SRGAP1: variants seen among roughly 807,000 people sequenced by gnomAD.
SRGAP1 encodes SLIT-ROBO Rho GTPase-activating protein 1.
A neutral mutation model predicts 121.9 loss-of-function variants in SRGAP1; 43 were observed. That is an observed-to-expected ratio of 0.35 (90% CI 0.28 to 0.46). The LOEUF is 0.46. SRGAP1 is among the 20% of genes least tolerant of loss of function. SRGAP1 has a pLI of 1.00. For synonymous variants in SRGAP1, 447 were observed against 485.4 expected (o/e 0.92, Z 1.04); for missense variants, 1,102 against 1,350.9 (o/e 0.82, Z 2.89).
chr12:63,881,078 T>G (rs1421206172), intron 1 of SRGAP1, among the ~76,000 whole-genome samples: 3 of 152,164 alleles, frequency 2.0e-5, no homozygotes, highest in Non-Finnish European at 4.4e-5. Context: ...GCACAGTATA[T>G]TTTGCGAAGT....
rs148989425 is a variant in SRGAP1 at position 64,121,316 on chromosome 12, G to A, written c.2225-4661G>A. ...GCCACCCACGCCCCGCCTTCCTTGT[G>A]TCTTTAAAAGTAAAATCAGTTGACA... On this transcript the variant is annotated intron_variant, in intron 18 of 21. Coordinates refer to ENST00000355086, the MANE Select transcript of SRGAP1 (RefSeq NM_020762.4). 4.6e-5 allele frequency among the ~76,000 whole-genome samples: 7 copies of A among 152,238 alleles called. No homozygotes were observed. The East Asian group carries it at 1.4e-3, about 29-fold the overall frequency.
At chr12:64,129,457 C>T (rs1712781392) in intron 21 of SRGAP1, among the ~76,000 whole-genome samples, 1 of 152,190 alleles carries the variant, frequency 6.6e-6, no homozygotes, top group African/African-American at 2.4e-5. Context: ...CCCCAGCCCA[C>T]TGACTCAAAT....
At chr12:64,042,024 G>A (rs1022557013) in intron 4 of SRGAP1, among the ~76,000 whole-genome samples, 1 of 151,496 alleles carries the variant, frequency 6.6e-6, no homozygotes, top group African/African-American at 2.4e-5. Flanking sequence ...TCAGCCTCCC[G>A]AGTAGCTGGA....
intron 1 of SRGAP1, among the ~76,000 whole-genome samples, chr12:63,902,505 T>G (rs1288038319): frequency 6.6e-6 from 1 of 152,178 alleles, no homozygotes; most frequent in Non-Finnish European, 1.5e-5. Context: ...CTAACCACAG[T>G]TACCCATAAT....
chr12:64,002,025 G>A (rs928747870), intron 3 of SRGAP1, among the ~76,000 whole-genome samples: 5 of 152,134 alleles, frequency 3.3e-5, no homozygotes, highest in African/African-American at 9.7e-5. Flanking sequence ...TTAAAATTCC[G>A]TCAAATTGGC....
intron 4 of SRGAP1, among the ~76,000 whole-genome samples, chr12:64,037,570 C>T (rs1407251803): frequency 1.3e-5 from 2 of 152,220 alleles, no homozygotes; most frequent in African/African-American, 4.8e-5. Flanking sequence ...CTCTTTGGCC[C>T]ATGCCAACTT....
chr12:63,920,733 A>G (rs190832017), intron 1 of SRGAP1, among the ~76,000 whole-genome samples: 1 of 152,250 alleles, frequency 6.6e-6, no homozygotes, highest in Admixed American at 6.5e-5. Context: ...GTTTGAAGGT[A>G]GGCTGGTGAG....
chr12:63,973,759 CT>C (rs1433885479), intron 1 of SRGAP1, among the ~76,000 whole-genome samples: 1 of 151,736 alleles, frequency 6.6e-6, no homozygotes, highest in Non-Finnish European at 1.5e-5. Flanking sequence ...CATTTTTTTT[CT>C]TTTTTCCTTT....
chr12:63,911,298 CAA>C (rs10715790), intron 1 of SRGAP1, among the ~76,000 whole-genome samples: 6,145 of 90,194 alleles, frequency 0.068, 164 homozygotes, highest in Middle Eastern at 0.18. Context: ...GACTCTGTCT[CAA>C]AAAAAAAAAA....
At chr12:63,948,627 C>T (rs1256075913) in intron 1 of SRGAP1, among the ~76,000 whole-genome samples, 1 of 151,868 alleles carries the variant, frequency 6.6e-6, no homozygotes, top group East Asian at 1.9e-4. Context: ...CCCAAGGATA[C>T]TAGCCATGTT....
chr12:63,911,064 C>T (rs2030470075), intron 1 of SRGAP1, among the ~76,000 whole-genome samples: 1 of 152,076 alleles, frequency 6.6e-6, no homozygotes, highest in African/African-American at 2.4e-5. Context: ...CTTTGGGAGG[C>T]CGAGGCTGGT....
chr12:63,985,015 C>CA (rs34037288), intron 2 of SRGAP1, among the ~76,000 whole-genome samples: 1,303 of 108,738 alleles, frequency 0.012, 15 homozygotes, highest in Admixed American at 0.024. Context: ...GAGTCCATCT[C>CA]AAAAAAAAAA....
intron 1 of SRGAP1, among the ~76,000 whole-genome samples, chr12:63,896,305 T>G (rs1240662239): frequency 6.6e-6 from 1 of 152,204 alleles, no homozygotes; most frequent in Non-Finnish European, 1.5e-5. Flanking sequence ...GTTAGGAGTA[T>G]AAAGTCCAGA....
intron 18 of SRGAP1, among the ~76,000 whole-genome samples, chr12:64,123,977 A>G (rs1008324779): frequency 3.3e-5 from 5 of 152,108 alleles, no homozygotes; most frequent in African/African-American, 1.2e-4. Context: ...TTGGGAGGCC[A>G]TGGCTGGAGG....
Position 64,050,884 on chromosome 12 carries a change from G to C in SRGAP1, c.801+7309G>C, listed in dbSNP as rs1166469975. On this transcript the variant is annotated intron_variant, in intron 6 of 21. Coordinates refer to ENST00000355086, the MANE Select transcript of SRGAP1 (RefSeq NM_020762.4). ...TTACAGGTACGGACCACCATGCCCG[G>C]CTAATTGTTTTGTATTTTTAGTAGA... Among the ~76,000 whole-genome samples the C allele has an allele frequency of 4.6e-5, 7 of 152,160 alleles. No individual in the cohort carries two copies. In the East Asian group the frequency reaches 1.4e-3, roughly 29 times the overall value.
At chr12:64,103,626 TTC>T (rs1240689779) in intron 15 of SRGAP1, among the ~76,000 whole-genome samples, 2 of 152,204 alleles carry the variant, frequency 1.3e-5, no homozygotes, top group African/African-American at 4.8e-5. Context: ...AATTCTAAAT[TTC>T]TGTTTGATGC....
intron 1 of SRGAP1, among the ~76,000 whole-genome samples, chr12:63,898,382 G>A (rs934350766): frequency 2.6e-5 from 4 of 152,204 alleles, no homozygotes; most frequent in African/African-American, 9.6e-5. Context: ...ATTCTGAACA[G>A]TCATATTGTT....
At chr12:63,919,837 C>T (rs191654281) in intron 1 of SRGAP1, among the ~76,000 whole-genome samples, 1 of 152,200 alleles carries the variant, frequency 6.6e-6, no homozygotes, top group Admixed American at 6.5e-5. Context: ...AGCTGTAGTT[C>T]ATTCATTTTA....
chr12:63,887,862 T>C (rs920590431), intron 1 of SRGAP1: 3 of 152,280 alleles, frequency 2.0e-5, no homozygotes, highest in African/African-American at 7.2e-5. Flanking sequence ...AGAACTTTCC[T>C]CTTCTTGTTC....
Sources: gnomAD v4.1 joint callset for allele counts (sites outside exome capture counted in the v4.1 genomes callset) on GRCh38, gnomAD v4.1.1 for gene constraint, MANE v1.5 for transcripts, NCBI Gene and HGNC (gene_info 2026-07-23, HGNC 2026-07-21) for gene names.